Variants in ITK observed in about 807,000 individuals in gnomAD.
ITK encodes tyrosine-protein kinase ITK/TSK.
A neutral mutation model predicts 87.6 loss-of-function variants in ITK; 45 were observed. That is an observed-to-expected ratio of 0.51 (90% CI 0.40 to 0.66). The LOEUF (loss-of-function observed/expected upper bound fraction) is 0.66. Ranked by LOEUF, ITK falls within the 30% of genes least tolerant of loss-of-function variation. The pLI is 0.00. For missense variants in ITK, 605 were observed against 766.3 expected (o/e 0.79, Z 2.48); for synonymous variants, 303 against 273.6 (o/e 1.11, Z -1.06).
intron 8 of ITK, among the ~76,000 whole-genome samples, chr5:157,233,951 A>ATATATATATATATATATG (rs1754715959): frequency 4.8e-5 from 1 of 20,688 alleles, no homozygotes; most frequent in South Asian, 1.8e-3. Flanking sequence ...ATATATATAT[A>ATATATATATATATATATG]TATATATATA....
chr5:157,241,427 C>A, intron 10 of ITK: 1 of 469,566 alleles, frequency 2.1e-6, no homozygotes, highest in South Asian at 2.6e-5. Flanking sequence ...TATTAGCAAG[C>A]TATCTTGTGG....
At chr5:157,245,635 G>T in intron 13 of ITK, 91 bp from the exon 14 acceptor site, 2 of 1,019,318 alleles carry the variant, frequency 2.0e-6, no homozygotes, top group Non-Finnish European at 1.6e-6. Context: ...CTGCAGTAAA[G>T]CAAAGGACTG....
At chr5:157,238,261 A>G (rs1754817765) in intron 9 of ITK, 70 bp downstream of exon 9, 4 of 1,199,056 alleles carry the variant, frequency 3.3e-6, no homozygotes, top group Non-Finnish European at 5.0e-6. Flanking sequence ...TGGGGAAAAG[A>G]CAACAAAGTT....
intron 3 of ITK, among the ~76,000 whole-genome samples, chr5:157,212,055 G>A (rs1471687979): frequency 1.3e-5 from 2 of 152,194 alleles, no homozygotes; most frequent in Non-Finnish European, 2.9e-5. Context: ...CATGGGATGT[G>A]GAGCCAGGCA....
intron 1 of ITK, among the ~76,000 whole-genome samples, chr5:157,182,573 G>C (rs1164839503): frequency 6.6e-6 from 1 of 152,128 alleles, no homozygotes; most frequent in Non-Finnish European, 1.5e-5. Context: ...AGTCCTCTTT[G>C]CTAGGTGGCC....
At chr5:157,188,520 G>A (rs1185732425) in intron 1 of ITK, among the ~76,000 whole-genome samples, 4 of 152,178 alleles carry the variant, frequency 2.6e-5, no homozygotes, top group African/African-American at 9.7e-5. Context: ...GGTGAGACAA[G>A]TGAGACACAC....
At position 157,222,926 on chromosome 5, in the gene ITK, C is replaced by T. The variant is rs1156578676; in HGVS notation, c.559C>T (p.Pro187Ser). 9.3e-6 allele frequency: 15 copies of T among 1,613,948 alleles called. No homozygotes were observed. Among genetic ancestry groups the T allele is most frequent in the Admixed American group, 5.0e-5 (3 of 59,968 alleles). ...CTTATATGACTACCAAACCAATGAT[C>T]CTCAGGAACTCGCACTGCGGCGCAA... ...IALYDYQTND[P>S]QELALRRNEE... The change falls in exon 6 of 17, where the codon CCT (proline) becomes TCT (serine). Residue 187 changes from proline to serine, a missense_variant. Coordinates refer to ENST00000422843, the MANE Select transcript of ITK (RefSeq NM_005546.4).
At chr5:157,226,284 G>A (rs1754529909) in intron 6 of ITK, among the ~76,000 whole-genome samples, 1 of 152,206 alleles carries the variant, frequency 6.6e-6, no homozygotes, top group African/African-American at 2.4e-5. Context: ...GGAAGTGAAA[G>A]AGCTTTGGAA....
In ITK at chr5:157,254,823, T is replaced by G; in HGVS notation, c.*2145T>G. On this transcript the variant is annotated 3_prime_UTR_variant, in exon 17 of 17. Coordinates refer to ENST00000422843, the MANE Select transcript of ITK (RefSeq NM_005546.4). ...GTGCATGGTATTACCTTTTTCAAGC[T>G]CAGATTCATCTAATCCTCAACTGTA... is the stretch of plus-strand genomic sequence containing the variant. 1 of 217,866 alleles carries G rather than the reference T, an allele frequency of 4.6e-6. No homozygotes were observed. Among genetic ancestry groups the G allele is most frequent in the East Asian group, 6.8e-5 (1 of 14,676 alleles). 13.5% of individuals were successfully genotyped at this position (217,866 alleles called of 1,614,324 possible).
rs190368227 is a variant in ITK, at chr5:157,237,333, C to A, written c.769-776C>A. Among the ~76,000 whole-genome samples, 19 of 152,274 alleles carry A rather than the reference C, an allele frequency of 1.2e-4. No homozygotes were observed. In the East Asian group the frequency reaches 2.7e-3, roughly 22 times the overall value. On this transcript the variant is annotated intron_variant, in intron 8 of 16. Coordinates refer to ENST00000422843, the MANE Select transcript of ITK (RefSeq NM_005546.4). The stretch of plus-strand genomic sequence containing the variant: ...ACATGTTCTCACTTATAAGTGAGAG[C>A]TAAACAGACATCAAGATAGTAACAA...
intron 1 of ITK, among the ~76,000 whole-genome samples, chr5:157,188,066 G>T (rs181605531): frequency 9.2e-5 from 14 of 152,292 alleles, no homozygotes; most frequent in Admixed American, 4.6e-4. Flanking sequence ...CTCCAAAAGT[G>T]CTGGGATTAC....
At chr5:157,200,354 A>C (rs1753940530) in intron 1 of ITK, among the ~76,000 whole-genome samples, 1 of 152,204 alleles carries the variant, frequency 6.6e-6, no homozygotes, top group Non-Finnish European at 1.5e-5. Flanking sequence ...ATAACAAGTA[A>C]GAATGAGAGC....
intron 1 of ITK, among the ~76,000 whole-genome samples, chr5:157,196,387 A>C (rs1753855898): frequency 6.6e-6 from 1 of 152,142 alleles, no homozygotes. Flanking sequence ...AATAGTACTT[A>C]AGTATAATTT....
intron 8 of ITK, among the ~76,000 whole-genome samples, chr5:157,233,765 T>A (rs1177317737): frequency 6.6e-6 from 1 of 151,654 alleles, no homozygotes; most frequent in Non-Finnish European, 1.5e-5. Context: ...AGTATAGTTT[T>A]GTTATATTAA....
chr5:157,197,958 T>C (rs1247651068), intron 1 of ITK, among the ~76,000 whole-genome samples: 1 of 152,128 alleles, frequency 6.6e-6, no homozygotes, highest in Non-Finnish European at 1.5e-5. Flanking sequence ...TAGTTAACTG[T>C]TTTTAATATT....
intron 5 of ITK, among the ~76,000 whole-genome samples, chr5:157,221,935 G>C (rs1754426324): frequency 6.6e-6 from 1 of 151,926 alleles, no homozygotes; most frequent in East Asian, 1.9e-4. Context: ...AGGGTCACTT[G>C]AGCCCAGGAG....
intron 1 of ITK, among the ~76,000 whole-genome samples, chr5:157,190,994 G>T (rs757704189): frequency 6.6e-6 from 1 of 152,126 alleles, no homozygotes; most frequent in Non-Finnish European, 1.5e-5. Flanking sequence ...ACAGCTATGG[G>T]GTCAGCAGAT....
chr5:157,210,311 C>G (rs1322037340), intron 2 of ITK, among the ~76,000 whole-genome samples: 1 of 152,036 alleles, frequency 6.6e-6, no homozygotes, highest in Non-Finnish European at 1.5e-5. Flanking sequence ...GCTTGCCAAC[C>G]TGAGGGATGA....
At chr5:157,194,592 G>A (rs1753816147) in intron 1 of ITK, among the ~76,000 whole-genome samples, 1 of 152,176 alleles carries the variant, frequency 6.6e-6, no homozygotes, top group South Asian at 2.1e-4. Flanking sequence ...AATCCATGCT[G>A]AGGCCATTTC....
Sources: allele counts gnomAD v4.1 joint callset (sites outside exome capture counted in the v4.1 genomes callset), GRCh38; gene constraint gnomAD v4.1.1; transcripts MANE v1.5; gene names NCBI Gene and HGNC (gene_info 2026-07-23, HGNC 2026-07-21).